MYO9A: variants seen among roughly 807,000 people sequenced by gnomAD.
The protein encoded by MYO9A is unconventional myosin-IXa.
Under a neutral mutation model 293.3 loss-of-function variants are expected in MYO9A, and 103 were observed. The observed-to-expected ratio is 0.35, with a 90% CI of 0.30 to 0.41. The LOEUF is 0.41. Among genes scored for constraint, MYO9A ranks in the 10% least tolerant of loss-of-function variants. The pLI is 1.00. For missense variants in MYO9A, 2,685 were observed against 3,033.0 expected, an observed-to-expected ratio of 0.89 and a Z score of 2.69; for synonymous variants, 1,001 against 1,035.7, an observed-to-expected ratio of 0.97 and a Z score of 0.64.
intron 2 of MYO9A, among the ~76,000 whole-genome samples, chr15:72,038,313 G>C (rs1164876090): frequency 6.6e-6 from 1 of 152,184 alleles, no homozygotes; most frequent in Non-Finnish European, 1.5e-5. Context: ...AAGAGTTGAA[G>C]CTATACAACA....
intron 14 of MYO9A, among the ~76,000 whole-genome samples, chr15:71,956,811 A>G (rs1240734079): frequency 6.8e-6 from 1 of 147,282 alleles, no homozygotes; most frequent in Non-Finnish European, 1.5e-5. Flanking sequence ...TGCTATATAT[A>G]TATGCTATAT....
chr15:71,857,163 C>G (rs566822842), intron 34 of MYO9A, among the ~76,000 whole-genome samples: 94 of 152,088 alleles, frequency 6.2e-4, no homozygotes, highest in Non-Finnish European at 9.7e-4. Flanking sequence ...TAAACAAAAA[C>G]TTTAAAAATA....
At chr15:72,042,058 C>G in intron 2 of MYO9A, among the ~76,000 whole-genome samples, 1 of 146,282 alleles carries the variant, frequency 6.8e-6, no homozygotes, top group Non-Finnish European at 1.5e-5. Context: ...TCCAAAAATA[C>G]GAGGAGAAAA....
intron 1 of MYO9A, among the ~76,000 whole-genome samples, chr15:72,091,576 C>A (rs1225312496): frequency 1.3e-5 from 2 of 152,060 alleles, no homozygotes; most frequent in Non-Finnish European, 2.9e-5. Context: ...CTGAACTACT[C>A]TCTCTCTCTG....
At chr15:71,988,166 A>G (rs2076450948) in intron 11 of MYO9A, among the ~76,000 whole-genome samples, 1 of 152,202 alleles carries the variant, frequency 6.6e-6, no homozygotes, top group Non-Finnish European at 1.5e-5. Context: ...CTGCTCTGTA[A>G]AATATAGAAC....
intron 7 of MYO9A, among the ~76,000 whole-genome samples, chr15:72,008,702 T>G (rs2077089895): frequency 2.0e-5 from 3 of 152,052 alleles, no homozygotes; most frequent in Admixed American, 1.3e-4. Flanking sequence ...ACCAAGTACC[T>G]CCATGTAGCT....
chr15:72,086,362 A>T (rs1017759776), intron 1 of MYO9A, among the ~76,000 whole-genome samples: 1 of 121,626 alleles, frequency 8.2e-6, no homozygotes, highest in Non-Finnish European at 1.7e-5. Flanking sequence ...CCACTCAGGG[A>T]GGGGGAGGGT....
rs1236122287 is a variant in MYO9A at position 71,823,929 on chromosome 15, G to GTGACA, written c.*2646_*2650dup. ...GATTGTAATGCGGCATCACTTTGTG[G>GTGACA]TGACATAACTTTACCATGCAGAGGG... is the stretch of plus-strand genomic sequence containing the variant. On this transcript the variant is annotated 3_prime_UTR_variant, in exon 42 of 42. Coordinates refer to ENST00000356056, the MANE Select transcript of MYO9A (RefSeq NM_006901.4). 2 of 152,218 alleles carry GTGACA rather than the reference G, an allele frequency of 1.3e-5. No individual in the cohort carries two copies. The highest frequency in any genetic ancestry group is 2.9e-5 in the Non-Finnish European group (2 of 68,048). 9.4% of individuals were successfully genotyped at this position (152,218 alleles called of 1,614,324 possible).
chr15:72,034,281 T>G (rs2077972048), intron 2 of MYO9A, among the ~76,000 whole-genome samples: 1 of 152,240 alleles, frequency 6.6e-6, no homozygotes, highest in Non-Finnish European at 1.5e-5. Flanking sequence ...TCTGTGCTTA[T>G]AAAACCCCCT....
At chr15:71,946,887 G>A (rs1273491237) in intron 15 of MYO9A, among the ~76,000 whole-genome samples, 2 of 152,226 alleles carry the variant, frequency 1.3e-5, no homozygotes, top group Non-Finnish European at 2.9e-5. Flanking sequence ...GCCAAAGCAG[G>A]AGGATTGCTT....
chr15:71,905,308 T>C (rs112369276), intron 19 of MYO9A, among the ~76,000 whole-genome samples: 2 of 152,336 alleles, frequency 1.3e-5, no homozygotes, highest in Admixed American at 6.5e-5. Flanking sequence ...ACAATTTTAT[T>C]CAAACTCATG....
At chr15:71,926,050 TCCTA>T (rs1343650755) in intron 18 of MYO9A, among the ~76,000 whole-genome samples, 1 of 152,220 alleles carries the variant, frequency 6.6e-6, no homozygotes, top group Non-Finnish European at 1.5e-5. Context: ...TGTAGATGGA[TCCTA>T]AGGTGGTAAA....
At chr15:72,071,120 C>G (rs1327082854) in intron 1 of MYO9A, among the ~76,000 whole-genome samples, 3 of 152,152 alleles carry the variant, frequency 2.0e-5, no homozygotes, top group Non-Finnish European at 4.4e-5. Context: ...AGACAACCTA[C>G]AAAATGGTAG....
At chr15:72,022,126 A>G (rs1364008873) in intron 4 of MYO9A, among the ~76,000 whole-genome samples, 1 of 152,242 alleles carries the variant, frequency 6.6e-6, no homozygotes, top group Non-Finnish European at 1.5e-5. Context: ...TTAGTTCAGA[A>G]AAGTCACAAT....
intron 1 of MYO9A, among the ~76,000 whole-genome samples, chr15:72,075,881 GA>G (rs1424997246): frequency 7.2e-5 from 11 of 152,172 alleles, no homozygotes; most frequent in African/African-American, 2.4e-4. Flanking sequence ...AAGAGTACTA[GA>G]AAATATTGTG....
At chr15:72,049,064 T>A (rs1354822675) in intron 1 of MYO9A, among the ~76,000 whole-genome samples, 6 of 152,232 alleles carry the variant, frequency 3.9e-5, no homozygotes. Context: ...CTTATGGTTA[T>A]TTCATATCTT....
At chr15:72,053,383 G>A (rs1443938755) in intron 1 of MYO9A, among the ~76,000 whole-genome samples, 1 of 151,936 alleles carries the variant, frequency 6.6e-6, no homozygotes, top group Non-Finnish European at 1.5e-5. Context: ...TCCAGCCTGG[G>A]CAACTGAGTG....
intron 18 of MYO9A, among the ~76,000 whole-genome samples, chr15:71,925,302 T>C (rs2058275746): frequency 6.7e-6 from 1 of 149,902 alleles, no homozygotes. Context: ...TATGTACATA[T>C]ATACGTATAT....
At chr15:71,873,561 T>C (rs2056589954) in intron 32 of MYO9A, among the ~76,000 whole-genome samples, 1 of 152,170 alleles carries the variant, frequency 6.6e-6, no homozygotes, top group African/African-American at 2.4e-5. Context: ...ACACTCCTAT[T>C]TGTATTATTG....
Sources: gnomAD v4.1 joint callset for allele counts (sites outside exome capture counted in the v4.1 genomes callset) on GRCh38, gnomAD v4.1.1 for gene constraint, MANE v1.5 for transcripts, NCBI Gene and HGNC (gene_info 2026-07-23, HGNC 2026-07-21) for gene names.